Variants in IGF2BP3 observed in about 807,000 individuals in gnomAD.
IGF2BP3 encodes the protein insulin like growth factor 2 mRNA binding protein 3.
A neutral mutation model predicts 73.8 loss-of-function variants in IGF2BP3; 9 were observed. That is an observed-to-expected ratio of 0.12 (90% CI 0.07 to 0.21). The LOEUF (loss-of-function observed/expected upper bound fraction) is 0.21. IGF2BP3 is among the 10% of genes least tolerant of loss of function. The pLI, the probability that IGF2BP3 is intolerant of heterozygous loss-of-function variation, is 1.00. For missense variants in IGF2BP3, 542 were observed against 714.0 expected (o/e 0.76, Z 2.75); for synonymous variants, 258 against 256.7 (o/e 1.01, Z -0.05).
At position 23,436,573 on chromosome 7, in the gene IGF2BP3, G is replaced by A. The variant is rs147765222; in HGVS notation, c.237-17749C>T. Among the ~76,000 whole-genome samples, 979 of 152,190 alleles carry A rather than the reference G, an allele frequency of 6.4e-3. 13 individuals carry two copies. The highest frequency in any genetic ancestry group is 0.021 in the African/African-American group (876 of 41,492). On this transcript the variant is annotated intron_variant, in intron 2 of 14. Coordinates refer to ENST00000258729, the MANE Select transcript of IGF2BP3 (RefSeq NM_006547.3). ...AAATTCCATTAAAATCAAACTCTGG[G>A]CTTGTTAGTACCCAGAAGAAGGAAT...
At chr7:23,407,181 TAA>T (rs77237856) in intron 3 of IGF2BP3, among the ~76,000 whole-genome samples, 10 of 121,148 alleles carry the variant, frequency 8.3e-5, no homozygotes, top group African/African-American at 9.2e-5. Flanking sequence ...ATGTAGTTAT[TAA>T]AAAAAAAAAA....
At chr7:23,318,772 T>C (rs187364648) in intron 11 of IGF2BP3, among the ~76,000 whole-genome samples, 95 of 152,228 alleles carry the variant, frequency 6.2e-4, no homozygotes, top group African/African-American at 2.1e-3. Context: ...AAAAGCTCTT[T>C]ATTATGTTCT....
intron 3 of IGF2BP3, among the ~76,000 whole-genome samples, chr7:23,410,701 T>C (rs1203369979): frequency 3.3e-5 from 5 of 152,194 alleles, no homozygotes; most frequent in African/African-American, 9.7e-5. Flanking sequence ...CTCATAACCA[T>C]ACATTACGTC....
rs1415669562 is a variant in IGF2BP3 at position 23,469,519 on chromosome 7, A to T, written c.175+417T>A. On this transcript the variant is annotated intron_variant, in intron 1 of 14. Coordinates refer to ENST00000258729, the MANE Select transcript of IGF2BP3 (RefSeq NM_006547.3). This position sits in a 1 kb window ranked among gnomAD's most constrained non-coding sequence, Gnocchi z 6.1. ...CCGGGGGTTTCGGGGCGCAGCACAG[A>T]CAGCGCCGTAAATAACGACCGAGGA... 6.6e-6 allele frequency: 1 copy of T among 152,408 alleles called. No individual in the cohort carries two copies. Among genetic ancestry groups the T allele is most frequent in the Admixed American group, 6.5e-5 (1 of 15,292 alleles). 9.4% of individuals were successfully genotyped at this position (152,408 alleles called of 1,614,324 possible). A position where few individuals can be genotyped will look rare whatever the true frequency, so the allele number is the denominator to read the frequency against.
intron 2 of IGF2BP3, among the ~76,000 whole-genome samples, chr7:23,423,880 G>A (rs1221907748): frequency 2.0e-5 from 3 of 152,138 alleles, no homozygotes; most frequent in Non-Finnish European, 4.4e-5. Context: ...AGCACTTTGG[G>A]AGGCCGAGGC....
chr7:23,416,485 T>A (rs1787193720), intron 3 of IGF2BP3, among the ~76,000 whole-genome samples: 1 of 152,220 alleles, frequency 6.6e-6, no homozygotes, highest in African/African-American at 2.4e-5. Context: ...TGTCACTCTA[T>A]CTTCTGTATT....
chr7:23,383,711 A>G (rs1022320417), intron 3 of IGF2BP3, among the ~76,000 whole-genome samples: 3 of 152,228 alleles, frequency 2.0e-5, no homozygotes, highest in Non-Finnish European at 2.9e-5. Flanking sequence ...ACTATAGCCA[A>G]AAAGTGGAAA....
intron 2 of IGF2BP3, among the ~76,000 whole-genome samples, chr7:23,420,342 G>T (rs897897297): frequency 5.3e-5 from 8 of 152,188 alleles, no homozygotes; most frequent in African/African-American, 1.9e-4. Flanking sequence ...GCTGGGCATG[G>T]TGTTGCATGC....
At chr7:23,325,613 A>G (rs2128495003) in intron 10 of IGF2BP3, among the ~76,000 whole-genome samples, 1 of 152,336 alleles carries the variant, frequency 6.6e-6, no homozygotes, top group African/African-American at 2.4e-5. Flanking sequence ...CCGCATTGCC[A>G]AGTCAATCCT....
intron 3 of IGF2BP3, among the ~76,000 whole-genome samples, chr7:23,391,746 C>T (rs1330095537): frequency 6.6e-6 from 1 of 152,178 alleles, no homozygotes; most frequent in Non-Finnish European, 1.5e-5. Context: ...AAGCACTGAT[C>T]ATTGTCTGTA....
At chr7:23,390,846 T>A (rs1652395365) in intron 3 of IGF2BP3, among the ~76,000 whole-genome samples, 1 of 150,654 alleles carries the variant, frequency 6.6e-6, no homozygotes. Flanking sequence ...TTGCCCAGGC[T>A]GGAGTGCAGT....
At chr7:23,443,480 A>T (rs1787984876) in intron 2 of IGF2BP3, among the ~76,000 whole-genome samples, 1 of 152,044 alleles carries the variant, frequency 6.6e-6, no homozygotes, top group Non-Finnish European at 1.5e-5. Context: ...AGCCTGGCCA[A>T]CATTGGGAAA....
chr7:23,368,823 G>A (rs1405963951), intron 3 of IGF2BP3, among the ~76,000 whole-genome samples: 1 of 151,960 alleles, frequency 6.6e-6, no homozygotes, highest in African/African-American at 2.4e-5. Context: ...CTTGAACCCA[G>A]GAGGCAGAGG....
intron 3 of IGF2BP3, among the ~76,000 whole-genome samples, chr7:23,366,780 T>C (rs997428023): frequency 5.3e-5 from 8 of 152,064 alleles, no homozygotes; most frequent in African/African-American, 1.9e-4. Flanking sequence ...GGGCTGTCAA[T>C]AGCCTAATAA....
Position 23,350,989 on chromosome 7 carries a change from G to A in IGF2BP3, c.683+316C>T, listed in dbSNP as rs142669389. Among the ~76,000 whole-genome samples, 93 of 152,302 alleles carry A rather than the reference G, an allele frequency of 6.1e-4. 1 individual carries two copies. Among genetic ancestry groups the A allele is most frequent in the African/African-American group, 2.1e-3 (89 of 41,568 alleles). On this transcript the variant is annotated intron_variant, in intron 6 of 14. Coordinates refer to ENST00000258729, the MANE Select transcript of IGF2BP3 (RefSeq NM_006547.3). Reference sequence around the variant, plus strand: ...CAAAAACAATGAGGGCAGGTGGGGGGTAAGGGGTGGGACAGAGGACAACCT... The same window carrying A: ...CAAAAACAATGAGGGCAGGTGGGGGATAAGGGGTGGGACAGAGGACAACCT...
chr7:23,334,821 G>A (rs912630978), intron 10 of IGF2BP3, among the ~76,000 whole-genome samples: 4 of 152,148 alleles, frequency 2.6e-5, no homozygotes, highest in Non-Finnish European at 4.4e-5. Flanking sequence ...ACAAGTATGA[G>A]CAAACAGTAA....
rs141368784 is a variant in IGF2BP3, at chr7:23,409,741, T to C, written c.285+9035A>G. Reference sequence around the variant, plus strand: ...ACATTACATAAAAATTAACTCAAAATGCACCATAGGCTTAAGACAATAGGA... The same window carrying C: ...ACATTACATAAAAATTAACTCAAAACGCACCATAGGCTTAAGACAATAGGA... On this transcript the variant is annotated intron_variant, in intron 3 of 14. Coordinates refer to ENST00000258729, the MANE Select transcript of IGF2BP3 (RefSeq NM_006547.3). 7.9e-4 allele frequency among the ~76,000 whole-genome samples: 120 copies of C among 151,848 alleles called. No individual in the cohort carries two copies. In the East Asian group the frequency reaches 8.1e-3, roughly 10 times the overall value.
intron 3 of IGF2BP3, among the ~76,000 whole-genome samples, chr7:23,364,320 G>T (rs941389625): frequency 1.3e-5 from 2 of 151,922 alleles, no homozygotes; most frequent in African/African-American, 4.8e-5. Flanking sequence ...GTTGCAGTGG[G>T]CTGAGATCGT....
At chr7:23,335,462 T>C (rs965296159) in intron 10 of IGF2BP3, among the ~76,000 whole-genome samples, 12 of 151,942 alleles carry the variant, frequency 7.9e-5, no homozygotes, top group African/African-American at 2.9e-4. Flanking sequence ...AAAAAGTTTT[T>C]TTTTTTTTGT....
Sources: gnomAD v4.1 joint callset for allele counts (sites outside exome capture counted in the v4.1 genomes callset) on GRCh38, gnomAD v4.1.1 for gene constraint, Gnocchi (gnomAD v3.1) non-coding constraint, MANE v1.5 for transcripts, NCBI Gene and HGNC (gene_info 2026-07-23, HGNC 2026-07-21) for gene names.